The following ADAMTS20 variants were observed in gnomAD, a reference collection of about 807,000 sequenced individuals.
The protein encoded by ADAMTS20 is ADAM metallopeptidase with thrombospondin type 1 motif 20, also known as A disintegrin and metalloproteinase with thrombospondin motifs 20.
Under a neutral mutation model 260.1 loss-of-function variants are expected in ADAMTS20, and 225 were observed. The ratio of observed to expected loss-of-function variants is 0.87; its 90% CI spans 0.78 to 0.97. ADAMTS20 has a LOEUF of 0.97. Ranked by LOEUF, ADAMTS20 falls within the 50% of genes least tolerant of loss-of-function variation. The pLI, the probability that ADAMTS20 is intolerant of heterozygous loss-of-function variation, is 0.00. For missense variants in ADAMTS20, 2,400 were observed against 2,337.7 expected, an observed-to-expected ratio of 1.03 and a Z score of -0.55; for synonymous variants, 802 against 769.5, an observed-to-expected ratio of 1.04 and a Z score of -0.70.
intron 3 of ADAMTS20, among the ~76,000 whole-genome samples, chr12:43,507,803 T>C (rs1258771339): frequency 6.6e-6 from 1 of 152,170 alleles, no homozygotes; most frequent in Non-Finnish European, 1.5e-5. Flanking sequence ...TGGAATTCTA[T>C]GCAGCCATAA....
chr12:43,440,172 C>A (rs1377865031), intron 16 of ADAMTS20, 103 bp from the exon 17 acceptor site: 1 of 754,588 alleles, frequency 1.3e-6, no homozygotes, highest in African/African-American at 2.2e-5. Context: ...GAGACGGAGT[C>A]TTGCTGTATC....
In ADAMTS20 at chr12:43,430,437, C is replaced by T. The variant is rs746900088; in HGVS notation, c.3296G>A (p.Arg1099Gln). Reference sequence around the variant, plus strand: ...TAGCTCATTGACACATTTAACATCTCGCATCTGATACCCATGTCCACATGT... The same window carrying T: ...TAGCTCATTGACACATTTAACATCTTGCATCTGATACCCATGTCCACATGT... ...TTTCGHGYQMRDVKCVNELAS... is the reference protein window; with the variant it reads ...TTTCGHGYQMQDVKCVNELAS... Residue 1099 changes from arginine (R) to glutamine (Q), a missense_variant, in exon 23 of 39, where the codon CGA (arginine) becomes CAA (glutamine). Physicochemically the swap from Arg to Gln is conservative, Grantham distance 43 (BLOSUM62 1). Coordinates refer to ENST00000389420, the MANE Select transcript of ADAMTS20 (RefSeq NM_025003.5). The T allele has an allele frequency of 1.3e-5, 21 of 1,612,730 alleles. No homozygotes were observed. The East Asian group carries it at 1.6e-4, about 12-fold the overall frequency.
At chr12:43,455,426 T>C (rs956775754) in intron 11 of ADAMTS20, among the ~76,000 whole-genome samples, 1 of 152,192 alleles carries the variant, frequency 6.6e-6, no homozygotes, top group Non-Finnish European at 1.5e-5. Context: ...CCTTGCACAC[T>C]GCATCCTCTG....
At chr12:43,412,064 C>T (rs935279281) in intron 28 of ADAMTS20, among the ~76,000 whole-genome samples, 2 of 152,054 alleles carry the variant, frequency 1.3e-5, no homozygotes, top group African/African-American at 4.8e-5. Flanking sequence ...AACTCAATAA[C>T]GGCAGAAACC....
chr12:43,536,518 TAAG>T (rs943095342), intron 2 of ADAMTS20, among the ~76,000 whole-genome samples: 3 of 148,842 alleles, frequency 2.0e-5, no homozygotes, highest in Non-Finnish European at 3.0e-5. Context: ...AAAAATAAAA[TAAG>T]GAGAGAGAGA....
At chr12:43,380,803 T>C in intron 31 of ADAMTS20, among the ~76,000 whole-genome samples, 2 of 152,238 alleles carry the variant, frequency 1.3e-5, no homozygotes, top group Middle Eastern at 6.8e-3. Context: ...ATTAAGATAA[T>C]AATATCTACC....
intron 37 of ADAMTS20, among the ~76,000 whole-genome samples, chr12:43,362,094 A>T (rs1565664832): frequency 6.6e-6 from 1 of 152,208 alleles, no homozygotes. Flanking sequence ...CACAGCTTAA[A>T]AGGAGGATGG....
intron 2 of ADAMTS20, among the ~76,000 whole-genome samples, chr12:43,540,253 G>T (rs1303247676): frequency 6.6e-6 from 1 of 152,044 alleles, no homozygotes; most frequent in Non-Finnish European, 1.5e-5. Context: ...ACTGCACATG[G>T]GTCCAATCTG....
intron 3 of ADAMTS20, among the ~76,000 whole-genome samples, chr12:43,527,053 A>G (rs1320012189): frequency 6.6e-6 from 1 of 152,206 alleles, no homozygotes; most frequent in Non-Finnish European, 1.5e-5. Flanking sequence ...CAATATTACT[A>G]TGAATACCTG....
At chr12:43,514,980 C>G (rs1284556509) in intron 3 of ADAMTS20, among the ~76,000 whole-genome samples, 1 of 152,178 alleles carries the variant, frequency 6.6e-6, no homozygotes, top group Non-Finnish European at 1.5e-5. Flanking sequence ...CTACATTAAT[C>G]TTATCTTCCT....
At chr12:43,517,208 C>G (rs772993723) in intron 3 of ADAMTS20, among the ~76,000 whole-genome samples, 7 of 151,764 alleles carry the variant, frequency 4.6e-5, no homozygotes, top group Non-Finnish European at 1.0e-4. Flanking sequence ...GAAAAACTAG[C>G]CAACGTAACA....
chr12:43,505,884 G>A (rs1849745437), intron 3 of ADAMTS20, among the ~76,000 whole-genome samples: 1 of 152,172 alleles, frequency 6.6e-6, no homozygotes, highest in African/African-American at 2.4e-5. Context: ...CTAAGAAGTA[G>A]AAGCAACCCA....
intron 29 of ADAMTS20, 97 bp downstream of exon 29, chr12:43,398,969 A>G: frequency 2.4e-6 from 2 of 847,458 alleles, no homozygotes; most frequent in South Asian, 5.6e-5. Context: ...AATAAATTTT[A>G]GAGAAGCAAA....
chr12:43,545,782 T>TC (rs11413664), intron 2 of ADAMTS20, among the ~76,000 whole-genome samples: 1 of 152,036 alleles, frequency 6.6e-6, no homozygotes, highest in Non-Finnish European at 1.5e-5. Flanking sequence ...CCTTTTTTTT[T>TC]CCTATGTAAG....
intron 19 of ADAMTS20, among the ~76,000 whole-genome samples, 193 bp from the exon 20 acceptor site, chr12:43,433,004 G>A (rs1444290608): frequency 6.6e-6 from 1 of 152,108 alleles, no homozygotes; most frequent in East Asian, 1.9e-4. Flanking sequence ...TAGCTTTGGA[G>A]GTGCGTCCAA....
intron 11 of ADAMTS20, 96 bp downstream of exon 11, chr12:43,462,799 A>C (rs1942086495): frequency 6.4e-6 from 6 of 940,000 alleles, no homozygotes; most frequent in Non-Finnish European, 9.6e-6. Flanking sequence ...GCTGAAGAAA[A>C]GTTGACAGCA....
intron 37 of ADAMTS20, among the ~76,000 whole-genome samples, chr12:43,361,403 T>A (rs1939864048): frequency 6.6e-6 from 1 of 152,248 alleles, no homozygotes; most frequent in Non-Finnish European, 1.5e-5. Context: ...TGGGCACAGC[T>A]CCTTTTGACA....
intron 3 of ADAMTS20, 42 bp from the exon 4 acceptor site, chr12:43,502,447 G>T (rs1942782734): frequency 6.5e-7 from 1 of 1,545,548 alleles, no homozygotes; most frequent in South Asian, 1.3e-5. Flanking sequence ...CATTAAATTG[G>T]ATGTGACGAA....
At chr12:43,388,388 G>C (rs1484235302) in intron 29 of ADAMTS20, among the ~76,000 whole-genome samples, 1 of 152,120 alleles carries the variant, frequency 6.6e-6, no homozygotes, top group Non-Finnish European at 1.5e-5. Context: ...AGATGAACTG[G>C]GTACCTCAGT....
Sources: allele counts gnomAD v4.1 joint callset (sites outside exome capture counted in the v4.1 genomes callset), GRCh38; gene constraint gnomAD v4.1.1; transcripts MANE v1.5; gene names NCBI Gene and HGNC (gene_info 2026-07-23, HGNC 2026-07-21).